CDC7: variants seen among roughly 807,000 people sequenced by gnomAD.
The protein encoded by CDC7 is cell division cycle 7.
Under a neutral mutation model 53.5 loss-of-function variants are expected in CDC7, and 34 were observed. That is an observed-to-expected ratio of 0.64 (90% CI 0.48 to 0.85). CDC7 has a LOEUF of 0.85. CDC7 is among the 40% of genes least tolerant of loss of function. The pLI is 0.00. For synonymous variants in CDC7, 211 were observed against 222.8 expected (o/e 0.95, Z 0.47); for missense variants, 594 against 679.7 (o/e 0.87, Z 1.40).
intron 3 of CDC7, 107 bp downstream of exon 3, chr1:91,508,044 CT>C: frequency 2.1e-6 from 2 of 959,042 alleles, no homozygotes; most frequent in South Asian, 1.9e-5. Context: ...AAATATACCA[CT>C]TTTTAGACTA....
chr1:91,501,529 C>T, intron 1 of CDC7, 125 bp from the exon 2 acceptor site: 2 of 599,798 alleles, frequency 3.3e-6, no homozygotes, highest in Admixed American at 5.9e-5. Context: ...CACAGTATGC[C>T]CTACTGTGGA....
rs1257133822 is a variant in CDC7, at chr1:91,504,135, TCTGTCACACCA to T, written c.115+2312_115+2322del. Reference sequence around the variant, plus strand: ...TTTTTTTTTTTTGAGACATGGTCTCTCTGTCACACCACTGTCACTGGAGTGCAGTGGTGCAA... The same window carrying T: ...TTTTTTTTTTTTGAGACATGGTCTCTCTGTCACTGGAGTGCAGTGGTGCAA... On this transcript the variant is annotated intron_variant, in intron 2 of 11. Coordinates refer to ENST00000234626, the MANE Select transcript of CDC7 (RefSeq NM_003503.4). 1.8e-4 allele frequency among the ~76,000 whole-genome samples: 27 copies of T among 150,756 alleles called. No homozygotes were observed. In the South Asian group the frequency reaches 2.1e-3, roughly 12 times the overall value.
chr1:91,508,355 C>T lies in CDC7; in HGVS notation c.293C>T (p.Pro98Leu). The T allele has an allele frequency of 5.0e-6, 8 of 1,611,924 alleles. No individual in the cohort carries two copies. Among genetic ancestry groups the T allele is most frequent in the Non-Finnish European group, 6.8e-6 (8 of 1,178,576 alleles). ...AAACACTTGATTCCAACAAGTCATC[C>T]TATAAGAATTGCAGCTGAACTTCAG... ...ALKHLIPTSH[P>L]IRIAAELQCL... The change falls in exon 4 of 12, where the codon CCT becomes CTT. Residue 98 changes from proline to leucine, a missense_variant. By Grantham distance (98) the Pro-to-Leu change is moderately conservative. Coordinates refer to ENST00000234626, the MANE Select transcript of CDC7 (RefSeq NM_003503.4).
At chr1:91,519,169 G>C (rs750704220) in intron 10 of CDC7, among the ~76,000 whole-genome samples, 11 of 149,060 alleles carry the variant, frequency 7.4e-5, no homozygotes, top group Non-Finnish European at 1.6e-4. Flanking sequence ...AGAGTACTTT[G>C]AGGGGCTGAG....
intron 11 of CDC7, among the ~76,000 whole-genome samples, chr1:91,521,085 C>T (rs555623248): frequency 1.0e-3 from 158 of 152,170 alleles, no homozygotes; most frequent in Non-Finnish European, 1.2e-3. Context: ...TACAGAACAC[C>T]TCAGGAGACA....
At chr1:91,504,578 C>G (rs13447474) in intron 2 of CDC7, among the ~76,000 whole-genome samples, 1 of 152,176 alleles carries the variant, frequency 6.6e-6, no homozygotes, top group Admixed American at 6.5e-5. Context: ...ACAATGACAC[C>G]CTTAGCCATG....
rs367577234 is a variant in CDC7, at chr1:91,515,810, C to G, written c.1114C>G (p.Pro372Ala). 35 of 1,613,700 alleles carry G rather than the reference C, an allele frequency of 2.2e-5. 1 individual carries two copies. In the African/African-American group the frequency reaches 4.3e-4, roughly 20 times the overall value. ...CATCATAAGGCGTCAGCAGGTTGCC[C>G]CTAGGGCAGGTACACCAGGATTCAG... is the stretch of plus-strand genomic sequence containing the variant. ...ICLSRRQQVA[P>A]RAGTPGFRAP... Residue 372 changes from proline to alanine, a missense_variant, in exon 10 of 12, where the codon CCT (proline) becomes GCT (alanine). Transcript: ENST00000234626.
rs139831035 is a variant in CDC7 at position 91,519,302 on chromosome 1, G to A, written c.1181-828G>A. Among the ~76,000 whole-genome samples the A allele has an allele frequency of 5.7e-4, 82 of 144,468 alleles. No homozygotes were observed. In the East Asian group the frequency reaches 0.016, roughly 28 times the overall value. 94.8% of individuals were successfully genotyped at this position (144,468 alleles called of 152,430 possible). On this transcript the variant is annotated intron_variant, in intron 10 of 11. Transcript: ENST00000234626. ...AAAAAAGAGCTGGGCATGGTGACAT[G>A]CCTGTAATCCCAGCTACTCAAGAGG...
chr1:91,524,408 T>A lies in CDC7; in HGVS notation c.1698T>A (p.His566Gln). ...TAACAGCAGAAGAAGCTTTGTTGCA[T>A]CCATTTTTTAAAGATATGAGCTTGT... Reference protein sequence around the residue: ...SRITAEEALLHPFFKDMSL With the variant: ...SRITAEEALLQPFFKDMSL The change falls in exon 12 of 12, where the codon CAT becomes CAA. Residue 566 changes from histidine to glutamine, a missense_variant. Transcript: ENST00000234626. 6.2e-7 allele frequency: 1 copy of A among 1,609,302 alleles called. No individual in the cohort carries two copies.
chr1:91,501,419 G>C (rs931020318), intron 1 of CDC7: 2 of 314,666 alleles, frequency 6.4e-6, no homozygotes, highest in Admixed American at 4.6e-5. Flanking sequence ...CACTGCGCCT[G>C]CTGCTGCGCG....
chr1:91,522,143 G>A (rs144497321), intron 11 of CDC7, among the ~76,000 whole-genome samples: 42 of 152,188 alleles, frequency 2.8e-4, no homozygotes, highest in Non-Finnish European at 5.0e-4. Context: ...CCAGCCTGAC[G>A]ACAGAGCAAG....
chr1:91,511,578 T>G lies in CDC7; in HGVS notation c.336-19T>G. On this transcript the variant is annotated intron_variant, in intron 4 of 11. Transcript: ENST00000234626. The stretch of plus-strand genomic sequence containing the variant: ...CTCTGACCTTTCTTCTAAAAGTTCC[T>G]TGTGCATTTTTCCACTAGGGGGCAA... 1.3e-6 allele frequency: 2 copies of G among 1,500,752 alleles called. No individual in the cohort carries two copies. Among genetic ancestry groups the G allele is most frequent in the Non-Finnish European group, 1.8e-6 (2 of 1,088,986 alleles). The allele number at this position is 1,500,752 out of a possible 1,614,324, so 93.0% of individuals were successfully genotyped here.
In CDC7 at chr1:91,514,845, T is replaced by C. The variant is rs954394149; in HGVS notation, c.945T>C (p.Asp315=). 6.2e-7 allele frequency: 1 copy of C among 1,612,012 alleles called. No homozygotes were observed. The highest frequency in any genetic ancestry group is 8.5e-7 in the Non-Finnish European group (1 of 1,179,018). ...TCATGAAGCAGTCAAAGACTGTGGATGTACTGTCTAGAAAGTTAGCAACAA... is the reference window on the plus strand; with the variant it reads ...TCATGAAGCAGTCAAAGACTGTGGACGTACTGTCTAGAAAGTTAGCAACAA... ...VKLMKQSKTV[D]VLSRKLATKK... is the part of the protein sequence containing the mutation. Residue 315 remains aspartate (D), a synonymous_variant, in exon 9 of 12, where the codon GAT becomes GAC. Transcript: ENST00000234626.
At chr1:91,518,092 T>TAAAAAAA (rs1557598618) in intron 10 of CDC7, among the ~76,000 whole-genome samples, 1 of 944 alleles carries the variant, frequency 1.1e-3, no homozygotes. Flanking sequence ...AGACTCAGTC[T>TAAAAAAA]CAAAAAAAAA....
At position 91,501,575 on chromosome 1, in the gene CDC7, C is replaced by T. The variant is rs558059761; in HGVS notation, c.-63-79C>T. ...CATCGTGCGTTTGAAAATGTTTGCCCCTTTGGGGGGCAGTAGCATGTTTTT... is the reference window on the plus strand; with the variant it reads ...CATCGTGCGTTTGAAAATGTTTGCCTCTTTGGGGGGCAGTAGCATGTTTTT... On this transcript the variant is annotated intron_variant, in intron 1 of 11. Coordinates refer to ENST00000234626, the MANE Select transcript of CDC7 (RefSeq NM_003503.4). 4.1e-5 allele frequency: 28 copies of T among 685,174 alleles called. No individual in the cohort carries two copies. The East Asian group carries it at 7.0e-4, about 17-fold the overall frequency. The allele number at this position is 685,174 out of a possible 1,614,324, so 42.4% of individuals were successfully genotyped here.
At chr1:91,509,735 A>C (rs986034526) in intron 4 of CDC7, among the ~76,000 whole-genome samples, 3 of 152,252 alleles carry the variant, frequency 2.0e-5, no homozygotes, top group Admixed American at 6.5e-5. Context: ...AAAATCTTTC[A>C]GTGGTTTCCC....
intron 10 of CDC7, 85 bp from the exon 11 acceptor site, chr1:91,520,045 T>G (rs1035702911): frequency 3.7e-6 from 4 of 1,091,016 alleles, no homozygotes; most frequent in Non-Finnish European, 5.0e-6. Context: ...GTGATTCTAA[T>G]GCATAATAAA....
At chr1:91,519,275 A>T (rs1004703270) in intron 10 of CDC7, among the ~76,000 whole-genome samples, 2 of 145,350 alleles carry the variant, frequency 1.4e-5, no homozygotes. Context: ...AAAAAAAAAA[A>T]AAAAAAAGAG....
intron 10 of CDC7, among the ~76,000 whole-genome samples, chr1:91,518,250 T>C (rs1346755451): frequency 2.6e-5 from 4 of 151,846 alleles, no homozygotes; most frequent in East Asian, 1.9e-4. Context: ...TCGTAATCTT[T>C]AACTACCAGA....
Sources: gnomAD v4.1 joint callset for allele counts (sites outside exome capture counted in the v4.1 genomes callset) on GRCh38, gnomAD v4.1.1 for gene constraint, MANE v1.5 for transcripts, NCBI Gene and HGNC (gene_info 2026-07-23, HGNC 2026-07-21) for gene names.